The following IL33 variants were observed in gnomAD, a reference collection of about 807,000 sequenced individuals.
IL33 encodes the protein interleukin-33.
Under a neutral mutation model 27.3 loss-of-function variants are expected in IL33, and 37 were observed. That is an observed-to-expected ratio of 1.36 (90% CI 1.04 to 1.78). The LOEUF (loss-of-function observed/expected upper bound fraction) is 1.78. Ranked by LOEUF, IL33 falls within the 40% of genes most tolerant of loss-of-function variation. The pLI, the probability that IL33 is intolerant of heterozygous loss-of-function variation, is 0.00. For synonymous variants in IL33, 132 were observed against 102.9 expected (o/e 1.28, Z -1.71); for missense variants, 406 against 311.4 (o/e 1.30, Z -2.29).
At position 6,256,010 on chromosome 9, in the gene IL33, G is replaced by C; in HGVS notation, c.655G>C (p.Val219Leu). The part of the protein sequence containing the change: ...EKPLPDQAFF[V>L]LHNMHSNCVS... ...ACCACTGCCAGACCAGGCCTTCTTT[G>C]TCCTTCATAATATGCACTCCAACTG... Residue 219 changes from valine to leucine, a missense_variant, in exon 8 of 8, where the codon GTC becomes CTC. Coordinates refer to ENST00000682010, the MANE Select transcript of IL33 (RefSeq NM_033439.4). 6.2e-7 allele frequency: 1 copy of C among 1,613,674 alleles called. No individual in the cohort carries two copies. Among genetic ancestry groups the C allele is most frequent in the South Asian group, 1.1e-5 (1 of 91,060 alleles).
At chr9:6,249,455 AC>A (rs998884721) in intron 2 of IL33, among the ~76,000 whole-genome samples, 2 of 152,200 alleles carry the variant, frequency 1.3e-5, no homozygotes, top group African/African-American at 4.8e-5. Flanking sequence ...CTCATGTGTT[AC>A]AATTTTCTTT....
At chr9:6,244,645 G>A (rs1415293085) in intron 2 of IL33, among the ~76,000 whole-genome samples, 2 of 152,188 alleles carry the variant, frequency 1.3e-5, no homozygotes, top group African/African-American at 2.4e-5. Context: ...AAGCAGGATA[G>A]AGTTACTGCA....
At position 6,251,210 on chromosome 9, in the gene IL33, T is replaced by C. The variant is rs141706220; in HGVS notation, c.288T>C (p.Phe96=). The change falls in exon 4 of 8, where the codon TTT becomes TTC. Residue 96 remains phenylalanine, a synonymous_variant. Transcript: ENST00000682010. ...AGTCTACTGTGGAGTGCTTTGCCTT[T>C]GGTATATCAGGGGTCCAGAAATATA... ...QQQSTVECFA[F]GISGVQKYTR... The C allele has an allele frequency of 6.9e-5, 112 of 1,614,058 alleles. No homozygotes were observed. In the African/African-American group the frequency reaches 1.1e-3, roughly 17 times the overall value.
intron 2 of IL33, among the ~76,000 whole-genome samples, chr9:6,246,678 A>T (rs1017385672): frequency 4.6e-5 from 7 of 152,224 alleles, no homozygotes; most frequent in African/African-American, 1.4e-4. Context: ...TAGTTATTAC[A>T]GGATTGGGTT....
chr9:6,224,698 G>A (rs573243744), intron 1 of IL33, among the ~76,000 whole-genome samples: 7 of 152,250 alleles, frequency 4.6e-5, no homozygotes, highest in African/African-American at 1.4e-4. Flanking sequence ...ATTATGAATA[G>A]AAATAATTTT....
rs1816832067 is a variant in IL33 at position 6,257,927 on chromosome 9, T to C, written c.*1759T>C. 2.9e-5 allele frequency: 2 copies of C among 68,006 alleles called. No homozygotes were observed. The highest frequency in any genetic ancestry group is 3.0e-5 in the African/African-American group (1 of 33,202). The allele number at this position is 68,006 out of a possible 1,614,324, so 4.2% of individuals were successfully genotyped here. ...TAAACTTAAAATGATTATTAAATAATCAAATATATCTACTACATTGTTTAT... is the reference window on the plus strand; with the variant it reads ...TAAACTTAAAATGATTATTAAATAACCAAATATATCTACTACATTGTTTAT... On this transcript the variant is annotated 3_prime_UTR_variant, in exon 8 of 8. Coordinates refer to ENST00000682010, the MANE Select transcript of IL33 (RefSeq NM_033439.4).
At position 6,252,970 on chromosome 9, in the gene IL33, T is replaced by C. The variant is rs774565881; in HGVS notation, c.448T>C (p.Leu150=). The change falls in exon 5 of 8, where the codon TTG becomes CTG. Residue 150 remains leucine, a synonymous_variant. Coordinates refer to ENST00000682010, the MANE Select transcript of IL33 (RefSeq NM_033439.4). ...AAGTTATGAGATATATGTTGAAGAC[T>C]TGAAAAAAGATGAAAAGAAAGGTAG... is the stretch of plus-strand genomic sequence containing the variant. ...DESYEIYVED[L]KKDEKKDKVL... is the part of the protein sequence containing the mutation. 3 of 1,548,920 alleles carry C rather than the reference T, an allele frequency of 1.9e-6. No homozygotes were observed. The Admixed American group carries it at 5.7e-5, about 30-fold the overall frequency.
At chr9:6,231,008 G>A (rs937717867) in intron 1 of IL33, among the ~76,000 whole-genome samples, 1 of 152,100 alleles carries the variant, frequency 6.6e-6, no homozygotes, top group African/African-American at 2.4e-5. Context: ...AATATACATA[G>A]AGCATCAGTC....
chr9:6,245,618 TGAA>T (rs1212810319), intron 2 of IL33, among the ~76,000 whole-genome samples: 2 of 152,134 alleles, frequency 1.3e-5, no homozygotes, highest in Non-Finnish European at 2.9e-5. Context: ...GGACTAATGA[TGAA>T]GGTGTGACCT....
In IL33 at chr9:6,256,446, T is replaced by C. The variant is rs549590247; in HGVS notation, c.*278T>C. On this transcript the variant is annotated 3_prime_UTR_variant, in exon 8 of 8. Coordinates refer to ENST00000682010, the MANE Select transcript of IL33 (RefSeq NM_033439.4). Reference sequence around the variant, plus strand: ...ATTCTAAAGAGATACAGTCTGACCTTTACTTTTCTCTAGTTTCAGTCCAGA... The same window carrying C: ...ATTCTAAAGAGATACAGTCTGACCTCTACTTTTCTCTAGTTTCAGTCCAGA... 3 of 450,956 alleles carry C rather than the reference T, an allele frequency of 6.7e-6. No homozygotes were observed. The South Asian group carries it at 1.9e-4, about 28-fold the overall frequency. The allele number at this position is 450,956 out of a possible 1,614,324, so 27.9% of individuals were successfully genotyped here. A position where few individuals can be genotyped will look rare whatever the true frequency, so the allele number is the denominator to read the frequency against.
intron 1 of IL33, among the ~76,000 whole-genome samples, chr9:6,237,560 G>C (rs1172760996): frequency 2.0e-5 from 3 of 152,096 alleles, no homozygotes; most frequent in South Asian, 2.1e-4. Context: ...AGGGTGATAA[G>C]ACGGGAGAAA....
At chr9:6,240,970 G>A (rs549789415) in intron 1 of IL33, among the ~76,000 whole-genome samples, 2 of 150,162 alleles carry the variant, frequency 1.3e-5, no homozygotes, top group Non-Finnish European at 3.0e-5. Flanking sequence ...TACTTTTTAC[G>A]CTTTTTCCTT....
chr9:6,228,804 G>T (rs1056585263), intron 1 of IL33, among the ~76,000 whole-genome samples: 4 of 149,438 alleles, frequency 2.7e-5, no homozygotes, highest in Non-Finnish European at 5.9e-5. Context: ...CAATGATCAT[G>T]CCACTGCCCT....
At chr9:6,226,306 A>T (rs1818626056) in intron 1 of IL33, among the ~76,000 whole-genome samples, 1 of 151,794 alleles carries the variant, frequency 6.6e-6, no homozygotes, top group South Asian at 2.1e-4. Flanking sequence ...TTGAGCCACC[A>T]CCCCCAGCCC....
rs145690070 is a variant in IL33 at position 6,226,427 on chromosome 9, A to G, written c.-12+10575A>G. Among the ~76,000 whole-genome samples, 867 of 152,188 alleles carry G rather than the reference A, an allele frequency of 5.7e-3. 7 individuals carry two copies. The highest frequency in any genetic ancestry group is 9.7e-3 in the Non-Finnish European group (661 of 68,004). On this transcript the variant is annotated intron_variant, in intron 1 of 7. Transcript: ENST00000682010. ...CCATTATTTCTTTAAATGTTGTTCC[A>G]TCTCTGTTCTAGCATCTCCTTCTAC...
chr9:6,223,945 G>T (rs1178334565), intron 1 of IL33, among the ~76,000 whole-genome samples: 1 of 152,122 alleles, frequency 6.6e-6, no homozygotes, highest in Non-Finnish European at 1.5e-5. Flanking sequence ...GGTTAACCCA[G>T]CTCTGAGCAT....
At chr9:6,215,779 TAA>T (rs1453952314), upstream of IL33, 2 of 152,138 alleles carry the variant, frequency 1.3e-5, no homozygotes, top group East Asian at 1.9e-4. Context: ...CTTTGGCTAA[TAA>T]AAAGAGTCTA....
intron 1 of IL33, among the ~76,000 whole-genome samples, chr9:6,237,762 A>C (rs180960276): frequency 6.6e-6 from 1 of 152,176 alleles, no homozygotes; most frequent in African/African-American, 2.4e-5. Flanking sequence ...TAAGATTATT[A>C]AAAAAAGTAA....
At chr9:6,246,936 A>G (rs1819892552) in intron 2 of IL33, among the ~76,000 whole-genome samples, 1 of 152,226 alleles carries the variant, frequency 6.6e-6, no homozygotes, top group Non-Finnish European at 1.5e-5. Flanking sequence ...ACTTTAGTTT[A>G]AGGTAGCTGC....
Sources: gnomAD v4.1 joint callset for allele counts (sites outside exome capture counted in the v4.1 genomes callset) on GRCh38, gnomAD v4.1.1 for gene constraint, MANE v1.5 for transcripts, NCBI Gene and HGNC (gene_info 2026-07-23, HGNC 2026-07-21) for gene names.